ADCY8: variants seen among roughly 807,000 people sequenced by gnomAD.
ADCY8 encodes adenylate cyclase 8, also known as adenylate cyclase type 8.
A neutral mutation model predicts 119.7 loss-of-function variants in ADCY8; 51 were observed. The ratio of observed to expected loss-of-function variants is 0.43; its 90% CI spans 0.34 to 0.54. The LOEUF is 0.54. Among genes scored for constraint, ADCY8 ranks in the 20% least tolerant of loss-of-function variants. ADCY8 has a pLI of 0.03. For missense variants in ADCY8, 1,383 were observed against 1,598.8 expected, an observed-to-expected ratio of 0.87 and a Z score of 2.30; for synonymous variants, 665 against 651.0, an observed-to-expected ratio of 1.02 and a Z score of -0.33.
chr8:131,030,253 C>A, intron 1 of ADCY8, among the ~76,000 whole-genome samples: 1 of 152,120 alleles, frequency 6.6e-6, no homozygotes, highest in East Asian at 1.9e-4. Flanking sequence ...GCACATGCTC[C>A]CTCCTGTCAT....
intron 5 of ADCY8, among the ~76,000 whole-genome samples, chr8:130,910,947 C>A (rs1197129317): frequency 6.6e-6 from 1 of 151,684 alleles, no homozygotes; most frequent in Non-Finnish European, 1.5e-5. Flanking sequence ...TTCATTGCCC[C>A]CAAATGCAAT....
chr8:130,902,998 C>T (rs1243726696), intron 7 of ADCY8, among the ~76,000 whole-genome samples: 1 of 152,102 alleles, frequency 6.6e-6, no homozygotes, highest in African/African-American at 2.4e-5. Flanking sequence ...TTTGCCATGG[C>T]TCCAAGCAAG....
intron 1 of ADCY8, among the ~76,000 whole-genome samples, chr8:131,025,082 C>T (rs547248785): frequency 6.6e-6 from 1 of 152,278 alleles, no homozygotes; most frequent in Non-Finnish European, 1.5e-5. Flanking sequence ...GGCTGAGTGG[C>T]TTGAAGAAAG....
At chr8:131,022,871 G>C (rs1256932495) in intron 1 of ADCY8, among the ~76,000 whole-genome samples, 1 of 152,114 alleles carries the variant, frequency 6.6e-6, no homozygotes, top group East Asian at 1.9e-4. Context: ...CTAGCACATA[G>C]TAGATGGTGG....
chr8:130,870,464 T>C (rs1818313960), intron 8 of ADCY8, among the ~76,000 whole-genome samples: 1 of 152,198 alleles, frequency 6.6e-6, no homozygotes, highest in African/African-American at 2.4e-5. Flanking sequence ...TCTCCTCAAA[T>C]GTCTGTTGAT....
At chr8:130,847,156 GAGAA>G (rs1184818190) in intron 11 of ADCY8, among the ~76,000 whole-genome samples, 2 of 151,992 alleles carry the variant, frequency 1.3e-5, no homozygotes, top group East Asian at 1.9e-4. Flanking sequence ...AGAAAAGGAA[GAGAA>G]AGAGGGAGAA....
intron 3 of ADCY8, chr8:130,949,448 T>A (rs1017401638): frequency 1.3e-5 from 2 of 152,202 alleles, no homozygotes; most frequent in African/African-American, 4.8e-5. Flanking sequence ...ATTAAATATT[T>A]ATTTTTTCCC....
chr8:130,998,647 A>G (rs1037614288), intron 1 of ADCY8, among the ~76,000 whole-genome samples: 4 of 152,216 alleles, frequency 2.6e-5, no homozygotes, highest in Admixed American at 6.5e-5. Flanking sequence ...ACAGTAGTGC[A>G]GCAAGGACAG....
chr8:130,835,691 T>C (rs1006210498), intron 12 of ADCY8, among the ~76,000 whole-genome samples: 1 of 152,178 alleles, frequency 6.6e-6, no homozygotes, highest in African/African-American at 2.4e-5. Context: ...ATATAAAATG[T>C]CATAATTTTG....
chr8:130,897,378 C>T (rs1026214836), intron 7 of ADCY8, among the ~76,000 whole-genome samples: 6 of 152,086 alleles, frequency 3.9e-5, no homozygotes, highest in Non-Finnish European at 8.8e-5. Context: ...CAGCCAGCCC[C>T]CACTGACTTC....
chr8:130,805,936 C>T (rs1227719174), intron 14 of ADCY8, among the ~76,000 whole-genome samples: 1 of 152,126 alleles, frequency 6.6e-6, no homozygotes, highest in Non-Finnish European at 1.5e-5. Context: ...TCTTTAGCAC[C>T]CGGGCCCCAC....
At chr8:130,830,422 CT>C (rs1392306777) in intron 12 of ADCY8, among the ~76,000 whole-genome samples, 1 of 152,166 alleles carries the variant, frequency 6.6e-6, no homozygotes, top group East Asian at 1.9e-4. Flanking sequence ...TTGAATTAAT[CT>C]GTGAGCCCTA....
At chr8:130,996,784 T>C (rs1822790570) in intron 1 of ADCY8, among the ~76,000 whole-genome samples, 1 of 152,162 alleles carries the variant, frequency 6.6e-6, no homozygotes, top group Non-Finnish European at 1.5e-5. Flanking sequence ...GAGCAAAGTC[T>C]CAAATTAAAG....
intron 16 of ADCY8, among the ~76,000 whole-genome samples, 193 bp downstream of exon 16, chr8:130,785,190 G>A (rs1414636553): frequency 1.3e-5 from 2 of 152,224 alleles, no homozygotes; most frequent in Non-Finnish European, 2.9e-5. Flanking sequence ...CAAAAAAGCA[G>A]CGTGGCTTCA....
At chr8:130,930,104 T>C (rs1005087207) in intron 5 of ADCY8, among the ~76,000 whole-genome samples, 20 of 152,222 alleles carry the variant, frequency 1.3e-4, no homozygotes, top group African/African-American at 4.8e-4. Flanking sequence ...ATTTTTTGAT[T>C]CTAGAATTTA....
At position 130,800,555 on chromosome 8, in the gene ADCY8, G is replaced by A. The variant is rs564328919; in HGVS notation, c.2931C>T (p.Ser977=). The change falls in exon 15 of 18, where the codon TCC becomes TCT. Residue 977 remains serine, a synonymous_variant. Transcript: ENST00000286355. Reference sequence around the variant, plus strand: ...CAAACATCACCCCAACAGCATCATAGGATTGAGAATACAGCTCCTGGACAG... The same window carrying A: ...CAAACATCACCCCAACAGCATCATAAGATTGAGAATACAGCTCCTGGACAG... ...DRDNEELYSQ[S]YDAVGVMFAS... 16 of 1,614,092 alleles carry A rather than the reference G, an allele frequency of 9.9e-6. No individual in the cohort carries two copies. Among genetic ancestry groups the A allele is most frequent in the African/African-American group, 6.7e-5 (5 of 75,030 alleles).
chr8:130,824,145 T>C (rs1816601975), intron 12 of ADCY8, among the ~76,000 whole-genome samples: 1 of 152,180 alleles, frequency 6.6e-6, no homozygotes, highest in African/African-American at 2.4e-5. Context: ...TATAGCACAT[T>C]TGACCCCGAA....
Position 131,039,793 on chromosome 8 carries a change from A to C in ADCY8, c.541T>G (p.Ser181Ala). The C allele has an allele frequency of 1.2e-6, 2 of 1,614,112 alleles. No individual in the cohort carries two copies. The highest frequency in any genetic ancestry group is 1.7e-6 in the Non-Finnish European group (2 of 1,180,026). Reference sequence around the variant, plus strand: ...TCCAGCACGTTCATCACCACTTCCGATTTGCGCCTTTGGCCCAAGAAATAG... The same window carrying C: ...TCCAGCACGTTCATCACCACTTCCGCTTTGCGCCTTTGGCCCAAGAAATAG... Reference protein sequence around the residue: ...QRYFLGQRRKSEVVMNVLDVL... With the variant: ...QRYFLGQRRKAEVVMNVLDVL... The change falls in exon 1 of 18, where the codon TCG (serine) becomes GCG (alanine). Residue 181 changes from serine to alanine, a missense_variant. Ser to Ala is a moderately conservative substitution (Grantham distance 99, BLOSUM62 1). This residue lies in a region of ADCY8 where 455 missense variants were observed against 435.3 expected (regional missense o/e 1.05). Transcript: ENST00000286355.
chr8:130,968,655 C>T (rs1050773919), intron 2 of ADCY8, among the ~76,000 whole-genome samples: 1 of 152,196 alleles, frequency 6.6e-6, no homozygotes, highest in African/African-American at 2.4e-5. Context: ...TCAGTTTAAC[C>T]TTAAGTAATG....
Sources: allele counts gnomAD v4.1 joint callset (sites outside exome capture counted in the v4.1 genomes callset), GRCh38; gene constraint gnomAD v4.1.1; regional missense constraint gnomAD v4.1.1; transcripts MANE v1.5; gene names NCBI Gene and HGNC (gene_info 2026-07-23, HGNC 2026-07-21).